Variants in OPCML observed in about 807,000 individuals in gnomAD.
OPCML encodes opioid binding protein/cell adhesion molecule like.
Under a neutral mutation model 37.8 loss-of-function variants are expected in OPCML, and 13 were observed. The observed-to-expected ratio is 0.34, with a 90% confidence interval of 0.22 to 0.55. The LOEUF (loss-of-function observed/expected upper bound fraction) is 0.55. Ranked by LOEUF, OPCML falls within the 20% of genes least tolerant of loss-of-function variation. OPCML has a pLI of 0.91. For synonymous variants in OPCML, 176 were observed against 168.8 expected (o/e 1.04, Z -0.33); for missense variants, 341 against 435.6 (o/e 0.78, Z 1.93).
At chr11:132,640,086 A>G (rs1940759266) in intron 3 of OPCML, among the ~76,000 whole-genome samples, 1 of 152,180 alleles carries the variant, frequency 6.6e-6, no homozygotes, top group Non-Finnish European at 1.5e-5. Context: ...TTCACCTAGA[A>G]ACCTCAGAAG....
chr11:132,902,055 A>C (rs796522484), intron 2 of OPCML, among the ~76,000 whole-genome samples: 49 of 152,352 alleles, frequency 3.2e-4, no homozygotes, highest in African/African-American at 1.2e-3. Flanking sequence ...TGGCTTATGT[A>C]AATGAAGATA....
chr11:132,681,114 T>C (rs1235935676), intron 2 of OPCML, among the ~76,000 whole-genome samples: 3 of 152,170 alleles, frequency 2.0e-5, no homozygotes, highest in African/African-American at 7.2e-5. Flanking sequence ...GTTTTGACAC[T>C]GCAGGACTTG....
chr11:133,140,667 A>AAAAGAAGAAAAGAAG (rs1555102298), intron 1 of OPCML, among the ~76,000 whole-genome samples: 2 of 140,024 alleles, frequency 1.4e-5, no homozygotes, highest in African/African-American at 2.6e-5. Context: ...AGAAAAGAAG[A>AAAAGAAGAAAAGAAG]AAAGAAGAAA....
chr11:133,323,348 A>G (rs1317048523), intron 1 of OPCML, among the ~76,000 whole-genome samples: 4 of 152,240 alleles, frequency 2.6e-5, no homozygotes, highest in African/African-American at 9.6e-5. Context: ...ACACCCTCAC[A>G]TAGGACAAAG....
intron 1 of OPCML, among the ~76,000 whole-genome samples, chr11:133,041,273 T>TAC (rs1450954783): frequency 6.6e-6 from 1 of 152,242 alleles, no homozygotes; most frequent in East Asian, 1.9e-4. Context: ...AGCACTTGGC[T>TAC]ACAGCTTTGG....
chr11:132,437,095 C>G (rs2096015586), intron 5 of OPCML, 127 bp downstream of exon 5: 1 of 1,447,832 alleles, frequency 6.9e-7, no homozygotes, highest in Non-Finnish European at 9.3e-7. Context: ...GCAAAGCCAT[C>G]TGATGAAGTA....
intron 1 of OPCML, among the ~76,000 whole-genome samples, chr11:133,123,206 T>G (rs1357660852): frequency 6.6e-6 from 1 of 152,154 alleles, no homozygotes; most frequent in Non-Finnish European, 1.5e-5. Flanking sequence ...ACTTTATTGA[T>G]TATATGGTTT....
At chr11:133,247,215 T>C (rs1940954557) in intron 1 of OPCML, among the ~76,000 whole-genome samples, 1 of 151,972 alleles carries the variant, frequency 6.6e-6, no homozygotes, top group Admixed American at 6.6e-5. Context: ...TAATCACATA[T>C]GAAGGGTGGG....
At chr11:132,711,546 G>A (rs1446168120) in intron 2 of OPCML, among the ~76,000 whole-genome samples, 3 of 152,152 alleles carry the variant, frequency 2.0e-5, no homozygotes, top group African/African-American at 4.8e-5. Flanking sequence ...CTTAGGCTGG[G>A]CGAATATTAG....
intron 4 of OPCML, among the ~76,000 whole-genome samples, chr11:132,496,825 T>C (rs1241956574): frequency 6.6e-6 from 1 of 152,208 alleles, no homozygotes. Context: ...TAAAGTTTTC[T>C]CTATAGGAAG....
chr11:133,414,657 G>A (rs985705607), intron 1 of OPCML, among the ~76,000 whole-genome samples: 3 of 152,156 alleles, frequency 2.0e-5, no homozygotes, highest in African/African-American at 7.2e-5. Flanking sequence ...GACGAAGCCA[G>A]TTCTCAGGCT....
intron 2 of OPCML, among the ~76,000 whole-genome samples, chr11:132,824,815 C>T (rs1235839663): frequency 6.6e-6 from 1 of 152,168 alleles, no homozygotes; most frequent in African/African-American, 2.4e-5. Flanking sequence ...CCCTCTGTGA[C>T]CCCATCTCAC....
At position 132,820,554 on chromosome 11, in the gene OPCML, G is replaced by A. The variant is rs553452368; in HGVS notation, c.146+122372C>T. Among the ~76,000 whole-genome samples, 6 of 152,234 alleles carry A rather than the reference G, an allele frequency of 3.9e-5. No homozygotes were observed. In the South Asian group the frequency reaches 1.2e-3, roughly 32 times the overall value. ...CTGTTTTTGAAAAACATATTGTGAA[G>A]TGCTGCAAGCCCCTTGGCCTTACCC... On this transcript the variant is annotated intron_variant, in intron 2 of 7. Coordinates refer to ENST00000524381, the MANE Select transcript of OPCML (RefSeq NM_001012393.5).
chr11:132,975,034 ATTTTAGTATCTTT>A, intron 1 of OPCML, among the ~76,000 whole-genome samples: 1 of 151,838 alleles, frequency 6.6e-6, no homozygotes, highest in African/African-American at 2.4e-5. Flanking sequence ...TCCACCTGCT[ATTTTAGTATCTTT>A]TCTGGAACTC....
intron 1 of OPCML, among the ~76,000 whole-genome samples, chr11:133,501,459 G>A (rs560363895): frequency 1.2e-4 from 18 of 152,230 alleles, no homozygotes; most frequent in African/African-American, 4.1e-4. Flanking sequence ...AATGAAGTAG[G>A]TACCCAACAA....
intron 1 of OPCML, among the ~76,000 whole-genome samples, chr11:132,962,236 T>A (rs1223873070): frequency 6.6e-6 from 1 of 152,200 alleles, no homozygotes; most frequent in Admixed American, 6.5e-5. Context: ...TGATGAATCA[T>A]CTCAGGAAGA....
chr11:133,461,049 A>T (rs1195858108), intron 1 of OPCML, among the ~76,000 whole-genome samples: 1 of 151,896 alleles, frequency 6.6e-6, no homozygotes, highest in Non-Finnish European at 1.5e-5. Flanking sequence ...TTTCATGATG[A>T]AAACACTCAA....
At chr11:132,485,608 C>G (rs146356222) in intron 4 of OPCML, among the ~76,000 whole-genome samples, 10 of 152,316 alleles carry the variant, frequency 6.6e-5, no homozygotes, top group Non-Finnish European at 1.5e-4. Context: ...TATGACTTAG[C>G]GTTGACTGCT....
intron 1 of OPCML, among the ~76,000 whole-genome samples, chr11:133,363,437 G>A (rs1361952867): frequency 6.6e-6 from 1 of 152,192 alleles, no homozygotes; most frequent in Non-Finnish European, 1.5e-5. Flanking sequence ...CTCCTTATGT[G>A]AGAAAATGGG....
Sources: gnomAD v4.1 joint callset for allele counts (sites outside exome capture counted in the v4.1 genomes callset) on GRCh38, gnomAD v4.1.1 for gene constraint, MANE v1.5 for transcripts, NCBI Gene and HGNC (gene_info 2026-07-23, HGNC 2026-07-21) for gene names.